Variants in ANKRD36 observed in about 807,000 individuals in gnomAD.
The protein encoded by ANKRD36 is ankyrin repeat domain-containing protein 36A.
In ANKRD36, 179 loss-of-function variants were observed where a neutral mutation model predicts 278.1. The observed-to-expected ratio is 0.64, with a 90% confidence interval of 0.57 to 0.73. ANKRD36 has a LOEUF of 0.73. Ranked by LOEUF, ANKRD36 falls within the 30% of genes least tolerant of loss-of-function variation. ANKRD36 has a pLI of 0.00. For missense variants in ANKRD36, 1,159 were observed against 1,956.7 expected (o/e 0.59, Z 7.69); for synonymous variants, 320 against 641.1 (o/e 0.50, Z 7.57).
chr2:97,230,059 C>T (rs1166672731), intron 67 of ANKRD36, among the ~76,000 whole-genome samples: 1 of 152,102 alleles, frequency 6.6e-6, no homozygotes, highest in Non-Finnish European at 1.5e-5. Flanking sequence ...TTCTCTCTGG[C>T]TGCCCTTAAC....
At chr2:97,197,157 GA>G (rs1229710544) in intron 42 of ANKRD36, among the ~76,000 whole-genome samples, 3 of 151,904 alleles carry the variant, frequency 2.0e-5, no homozygotes, top group Non-Finnish European at 4.4e-5. Context: ...GCTAAAAACA[GA>G]CAGAAAACTT....
chr2:97,174,329 A>T (rs560005424), intron 22 of ANKRD36, among the ~76,000 whole-genome samples: 1 of 151,708 alleles, frequency 6.6e-6, no homozygotes. Context: ...GAATATTTGC[A>T]TAAGGGATGA....
chr2:97,241,367 A>G lies in ANKRD36; in HGVS notation c.4195A>G (p.Lys1399Glu). ...HCEQLRVKIR[K>E]LKNKASVLQK... ...TGAGCAACTTAGAGTAAAAATTCGA[A>G]AACTGAAAAATAAGGCTAGTGTACT... Residue 1399 changes from lysine (K) to glutamate (E), a missense_variant, in exon 69 of 76, where the codon AAA becomes GAA. Coordinates refer to ENST00000420699, the MANE Select transcript of ANKRD36 (RefSeq NM_001354587.1). 2 of 1,276,202 alleles carry G rather than the reference A, an allele frequency of 1.6e-6. No homozygotes were observed. Among genetic ancestry groups the G allele is most frequent in the African/African-American group, 1.6e-5 (1 of 63,228 alleles). The allele number at this position is 1,276,202 out of a possible 1,614,324, so 79.1% of individuals were successfully genotyped here. A position where few individuals can be genotyped will look rare whatever the true frequency, so the allele number is the denominator to read the frequency against.
Position 97,204,212 on chromosome 2 carries a change from T to C in ANKRD36, c.3010T>C (p.Ser1004Pro), listed in dbSNP as rs1204811308. 1.3e-6 allele frequency: 2 copies of C among 1,584,250 alleles called. No individual in the cohort carries two copies. The highest frequency in any genetic ancestry group is 8.6e-7 in the Non-Finnish European group (1 of 1,167,470). The change falls in exon 50 of 76, where the codon TCT becomes CCT. Residue 1004 changes from serine (S) to proline (P), a missense_variant. By Grantham distance (74) the Ser-to-Pro change is moderately conservative (BLOSUM62 -1). Coordinates refer to ENST00000420699, the MANE Select transcript of ANKRD36 (RefSeq NM_001354587.1). ...GLKATSDEKD[S>P]VLNIARGKKD... ...TCAGGCTACAAGTGATGAGAAAGAT[T>C]CTGTTTTGAATATAGCCAGAGGAAA...
At chr2:97,158,825 A>G (rs1290276764) in intron 17 of ANKRD36, among the ~76,000 whole-genome samples, 170 bp downstream of exon 17, 1 of 152,014 alleles carries the variant, frequency 6.6e-6, no homozygotes, top group East Asian at 2.0e-4. Flanking sequence ...CTTTATAACG[A>G]TGACAAGGAT....
chr2:97,195,543 G>A (rs1401854451), intron 40 of ANKRD36, among the ~76,000 whole-genome samples: 7 of 151,960 alleles, frequency 4.6e-5, no homozygotes, highest in Admixed American at 4.6e-4. Context: ...TGGTTGAATT[G>A]GCATAAAAAC....
At chr2:97,177,798 A>C (rs1057183105) in intron 22 of ANKRD36, among the ~76,000 whole-genome samples, 4 of 151,996 alleles carry the variant, frequency 2.6e-5, no homozygotes, top group Non-Finnish European at 5.9e-5. Context: ...CACCAAAAGC[A>C]ATGGCAACAA....
chr2:97,201,178 C>A (rs1309937284), intron 46 of ANKRD36, among the ~76,000 whole-genome samples: 1 of 151,872 alleles, frequency 6.6e-6, no homozygotes, highest in African/African-American at 2.4e-5. Context: ...ACTCATTACT[C>A]CTCTTTGTTA....
At chr2:97,187,532 G>A in intron 32 of ANKRD36, 131 bp downstream of exon 32, 1 of 1,319,402 alleles carries the variant, frequency 7.6e-7, no homozygotes, top group South Asian at 1.4e-5. Context: ...GCAGGTCTGA[G>A]AGTCTTCATT....
At chr2:97,143,671 A>G (rs1372301252) in intron 8 of ANKRD36, among the ~76,000 whole-genome samples, 1 of 152,196 alleles carries the variant, frequency 6.6e-6, no homozygotes, top group African/African-American at 2.4e-5. Context: ...TATTTTAGAA[A>G]CAAAAATAAT....
intron 22 of ANKRD36, among the ~76,000 whole-genome samples, chr2:97,177,487 T>C (rs2054638724): frequency 6.6e-6 from 1 of 151,770 alleles, no homozygotes; most frequent in African/African-American, 2.4e-5. Flanking sequence ...GAGCTATAGA[T>C]CAATGGAACA....
intron 36 of ANKRD36, among the ~76,000 whole-genome samples, chr2:97,192,637 T>C (rs1364567003): frequency 2.6e-5 from 4 of 151,708 alleles, no homozygotes; most frequent in African/African-American, 9.7e-5. Flanking sequence ...TATGACAAAT[T>C]ATACCATGTT....
chr2:97,154,807 T>G, intron 15 of ANKRD36, 66 bp downstream of exon 15: 1 of 1,260,798 alleles, frequency 7.9e-7, no homozygotes, highest in Non-Finnish European at 1.1e-6. Flanking sequence ...TATTTTCTTC[T>G]AGCAAATAAT....
chr2:97,220,882 G>T (rs1458574867), intron 66 of ANKRD36, among the ~76,000 whole-genome samples: 1 of 145,240 alleles, frequency 6.9e-6, no homozygotes, highest in East Asian at 2.2e-4. Flanking sequence ...ACCCACTAAC[G>T]TGTCATCTAG....
chr2:97,176,017 C>T (rs2054136982), intron 22 of ANKRD36, among the ~76,000 whole-genome samples: 1 of 151,734 alleles, frequency 6.6e-6, no homozygotes, highest in Non-Finnish European at 1.5e-5. Flanking sequence ...TGTTCTTTTA[C>T]ATTTTCTGAG....
intron 22 of ANKRD36, among the ~76,000 whole-genome samples, chr2:97,170,418 G>A (rs1437142801): frequency 6.6e-6 from 1 of 151,900 alleles, no homozygotes; most frequent in Non-Finnish European, 1.5e-5. Context: ...ACAACTATCT[G>A]ATCTTTGACA....
chr2:97,228,026 G>C (rs1397572190), intron 67 of ANKRD36, among the ~76,000 whole-genome samples: 1 of 152,108 alleles, frequency 6.6e-6, no homozygotes, highest in Non-Finnish European at 1.5e-5. Context: ...TGTGCTGCTG[G>C]ATTTGGTTTG....
intron 24 of ANKRD36, among the ~76,000 whole-genome samples, chr2:97,180,760 A>T (rs963556365): frequency 6.6e-6 from 1 of 151,714 alleles, no homozygotes; most frequent in Non-Finnish European, 1.5e-5. Flanking sequence ...ACTCCCAACA[A>T]GGCTATTTTA....
intron 40 of ANKRD36, among the ~76,000 whole-genome samples, chr2:97,195,555 A>G (rs576163002): frequency 1.3e-5 from 2 of 151,920 alleles, no homozygotes; most frequent in Non-Finnish European, 2.9e-5. Flanking sequence ...CATAAAAACA[A>G]AATGACTCAT....
Sources: gnomAD v4.1 joint callset for allele counts (sites outside exome capture counted in the v4.1 genomes callset) on GRCh38, gnomAD v4.1.1 for gene constraint, MANE v1.5 for transcripts, NCBI Gene and HGNC (gene_info 2026-07-23, HGNC 2026-07-21) for gene names.